Variants in CMSS1 observed in about 807,000 individuals in gnomAD.
CMSS1 encodes cms1 ribosomal small subunit homolog.
Under a neutral mutation model 43.5 loss-of-function variants are expected in CMSS1, and 33 were observed. That is an observed-to-expected ratio of 0.76 (90% confidence interval 0.57 to 1.01). The LOEUF (loss-of-function observed/expected upper bound fraction) is 1.01. CMSS1 is among the 50% of genes least tolerant of loss of function. The probability of loss-of-function intolerance (pLI) is 0.00; values close to 1 mark genes in which losing one functional copy is unlikely to be tolerated. For missense variants in CMSS1, 313 were observed against 326.4 expected, an observed-to-expected ratio of 0.96 and a Z score of 0.32; for synonymous variants, 115 against 117.2, an observed-to-expected ratio of 0.98 and a Z score of 0.12.
chr3:99,849,183 A>T, intron 1 of CMSS1: 1 of 1,613,768 alleles, frequency 6.2e-7, no homozygotes, highest in Non-Finnish European at 8.5e-7. Context: ...CTTGATTCTC[A>T]CTCTCCTCAT....
rs1353431293 is a variant in CMSS1 at position 99,850,126 on chromosome 3, T to A, written c.64+32083T>A. On this transcript the variant is annotated intron_variant, in intron 1 of 9. Transcript: ENST00000421999. ...AAGCTGAGAAGAAGCAGCTTGTAAT[T>A]TATCTTCAGTTTTCTTTAATTTTTC... is the stretch of plus-strand genomic sequence containing the variant. 4.3e-6 allele frequency: 7 copies of A among 1,612,396 alleles called. No individual in the cohort carries two copies. The African/African-American group carries it at 8.0e-5, about 18-fold the overall frequency.
At chr3:100,152,783 G>C (rs537797503) in intron 2 of CMSS1, among the ~76,000 whole-genome samples, 155 of 152,210 alleles carry the variant, frequency 1.0e-3, no homozygotes, top group African/African-American at 3.4e-3. Context: ...AAACTGTATT[G>C]CTAAACTTTC....
chr3:100,002,258 CTCTTTTAAGTTATGAA>C (rs1207561096), intron 1 of CMSS1, among the ~76,000 whole-genome samples: 1 of 152,192 alleles, frequency 6.6e-6, no homozygotes, highest in African/African-American at 2.4e-5. Flanking sequence ...GTTAGAGCAT[CTCTTTTAAGTTATGAA>C]TTATTATGAA....
intron 1 of CMSS1, among the ~76,000 whole-genome samples, chr3:100,074,261 G>A (rs570186336): frequency 1.1e-3 from 162 of 152,290 alleles, no homozygotes; most frequent in African/African-American, 3.6e-3. Context: ...AGAGCTCTTC[G>A]CTGCTTTCCC....
intron 1 of CMSS1, among the ~76,000 whole-genome samples, chr3:99,827,033 T>C (rs1487238826): frequency 1.3e-5 from 2 of 152,198 alleles, no homozygotes; most frequent in African/African-American, 4.8e-5. Context: ...ATGCTTTATA[T>C]TTCAGTTGTG....
At chr3:99,917,957 G>C (rs1037262135) in intron 1 of CMSS1, among the ~76,000 whole-genome samples, 91 of 151,812 alleles carry the variant, frequency 6.0e-4, no homozygotes, top group Non-Finnish European at 1.8e-4. Context: ...CCCTGCCCTT[G>C]TTTGTTTGTT....
intron 1 of CMSS1, among the ~76,000 whole-genome samples, chr3:99,946,009 G>A (rs947144952): frequency 6.6e-6 from 1 of 152,120 alleles, no homozygotes; most frequent in African/African-American, 2.4e-5. Context: ...ACAGACAGTT[G>A]GTAGATGTAT....
chr3:100,138,069 C>T (rs774693506), intron 1 of CMSS1, among the ~76,000 whole-genome samples: 10 of 152,144 alleles, frequency 6.6e-5, no homozygotes, highest in Non-Finnish European at 1.3e-4. Flanking sequence ...TTCGACAAAC[C>T]TGACAAAAAC....
chr3:100,045,942 G>A (rs2065272488), intron 1 of CMSS1, among the ~76,000 whole-genome samples: 1 of 152,250 alleles, frequency 6.6e-6, no homozygotes, highest in Non-Finnish European at 1.5e-5. Context: ...GGCGGAGCTG[G>A]GGTGGATGAG....
intron 1 of CMSS1, among the ~76,000 whole-genome samples, chr3:99,921,486 G>C (rs1461914216): frequency 1.3e-5 from 2 of 152,154 alleles, no homozygotes; most frequent in Admixed American, 1.3e-4. Flanking sequence ...GTGATGTTCA[G>C]GCAAAGCAAG....
intron 1 of CMSS1, chr3:99,898,414 T>C (rs991524527): frequency 6.6e-6 from 1 of 152,230 alleles, no homozygotes; most frequent in Non-Finnish European, 1.5e-5. Context: ...ATAAAAATTA[T>C]GTTTTGTGGT....
At chr3:100,074,420 G>A (rs1363187711) in intron 1 of CMSS1, among the ~76,000 whole-genome samples, 2 of 151,934 alleles carry the variant, frequency 1.3e-5, no homozygotes, top group Non-Finnish European at 2.9e-5. Flanking sequence ...TTTTCCAGAG[G>A]CCTTTTCTAC....
At chr3:100,141,821 T>C (rs2066808016) in intron 1 of CMSS1, among the ~76,000 whole-genome samples, 1 of 152,182 alleles carries the variant, frequency 6.6e-6, no homozygotes, top group African/African-American at 2.4e-5. Flanking sequence ...GCAGTCTTAG[T>C]GACTCCACTT....
chr3:100,025,610 T>C (rs1279806925), intron 1 of CMSS1: 4 of 152,218 alleles, frequency 2.6e-5, no homozygotes, highest in Admixed American at 2.6e-4. Context: ...CTGAGCTTCC[T>C]GGTAGACAAA....
chr3:100,026,044 G>C (rs2064914526), intron 1 of CMSS1, among the ~76,000 whole-genome samples: 1 of 152,148 alleles, frequency 6.6e-6, no homozygotes, highest in Non-Finnish European at 1.5e-5. Context: ...TTGGGATTTA[G>C]ACTTAATGAA....
At chr3:100,067,776 C>G (rs1260316490) in intron 1 of CMSS1, among the ~76,000 whole-genome samples, 1 of 152,078 alleles carries the variant, frequency 6.6e-6, no homozygotes, top group Non-Finnish European at 1.5e-5. Context: ...TCTCTGTGGT[C>G]TCTATCCAAG....
At chr3:100,132,227 C>T (rs1015529351) in intron 1 of CMSS1, among the ~76,000 whole-genome samples, 744 of 41,362 alleles carry the variant, frequency 0.018, 2 homozygotes, top group South Asian at 0.029. Flanking sequence ...CAAAGAAAGA[C>T]CCCCATCTCT....
intron 1 of CMSS1, among the ~76,000 whole-genome samples, chr3:99,889,980 C>T (rs774365501): frequency 5.9e-5 from 9 of 151,876 alleles, no homozygotes; most frequent in African/African-American, 1.5e-4. Context: ...ACACTTTCTT[C>T]GCCTCTTATT....
intron 1 of CMSS1, among the ~76,000 whole-genome samples, chr3:99,837,291 G>A: frequency 6.6e-6 from 1 of 152,148 alleles, no homozygotes; most frequent in Non-Finnish European, 1.5e-5. Context: ...ACCTCTTGCA[G>A]TTTTTAGTTA....
Sources: allele counts gnomAD v4.1 joint callset (sites outside exome capture counted in the v4.1 genomes callset), GRCh38; gene constraint gnomAD v4.1.1; transcripts MANE v1.5; gene names NCBI Gene and HGNC (gene_info 2026-07-23, HGNC 2026-07-21).